The following NEBL variants were observed in gnomAD, a reference collection of about 807,000 sequenced individuals.
NEBL encodes the protein nebulette, also known as LIM and SH3 protein 2.
Under a neutral mutation model 140.2 loss-of-function variants are expected in NEBL, and 122 were observed. That is an observed-to-expected ratio of 0.87 (90% confidence interval 0.75 to 1.01). The LOEUF is 1.01. Ranked by LOEUF, NEBL falls within the 50% of genes least tolerant of loss-of-function variation. The pLI, the probability that NEBL is intolerant of heterozygous loss-of-function variation, is 0.00. For missense variants in NEBL, 1,365 were observed against 1,231.3 expected (o/e 1.11, Z -1.62); for synonymous variants, 436 against 398.9 (o/e 1.09, Z -1.11).
At chr10:21,003,916 C>T (rs1838010080) in intron 3 of NEBL, among the ~76,000 whole-genome samples, 1 of 152,140 alleles carries the variant, frequency 6.6e-6, no homozygotes, top group Non-Finnish European at 1.5e-5. Flanking sequence ...CAGTTCTTGT[C>T]TCTATTATGG....
At chr10:21,244,676 A>C (rs540989661) in intron 3 of NEBL, among the ~76,000 whole-genome samples, 1 of 151,662 alleles carries the variant, frequency 6.6e-6, no homozygotes, top group Non-Finnish European at 1.5e-5. Context: ...TAAACTAAAA[A>C]TTTTTTTAAA....
chr10:21,132,652 T>C (rs1180019343), intron 2 of NEBL, among the ~76,000 whole-genome samples: 1 of 152,232 alleles, frequency 6.6e-6, no homozygotes, highest in African/African-American at 2.4e-5. Flanking sequence ...ACATTTGTTA[T>C]TGTCCACCTT....
At chr10:21,098,111 T>C (rs1157730224) in intron 2 of NEBL, among the ~76,000 whole-genome samples, 2 of 152,162 alleles carry the variant, frequency 1.3e-5, no homozygotes, top group South Asian at 2.1e-4. Flanking sequence ...GGCAAAAATG[T>C]GAGTGGATAT....
At chr10:21,073,322 C>CAA (rs371901801) in intron 2 of NEBL, among the ~76,000 whole-genome samples, 23 of 134,562 alleles carry the variant, frequency 1.7e-4, no homozygotes, top group African/African-American at 4.3e-4. Context: ...GACCCTGTCT[C>CAA]AAAAAAAAAA....
upstream of NEBL, chr10:20,897,453 T>A: frequency 8.3e-7 from 1 of 1,206,152 alleles, no homozygotes; most frequent in South Asian, 3.1e-5. Flanking sequence ...AAAATTTGAT[T>A]TTATGAACTT....
chr10:20,946,244 T>G (rs1835153255), intron 4 of NEBL, among the ~76,000 whole-genome samples: 1 of 152,220 alleles, frequency 6.6e-6, no homozygotes, highest in Non-Finnish European at 1.5e-5. Flanking sequence ...ATGTTGTTTC[T>G]GCACATGGAA....
chr10:21,261,881 A>G (rs1842743162), intron 1 of NEBL, among the ~76,000 whole-genome samples: 1 of 151,752 alleles, frequency 6.6e-6, no homozygotes, highest in South Asian at 2.1e-4. Context: ...AGACGTGCAC[A>G]CTCCCAGCTG....
intron 2 of NEBL, among the ~76,000 whole-genome samples, chr10:21,160,858 CA>C (rs1564531626): frequency 9.3e-6 from 1 of 107,896 alleles, no homozygotes; most frequent in African/African-American, 6.6e-5. Context: ...AACTTATTTC[CA>C]GGGGGAAAAA....
chr10:21,270,047 G>T (rs539052360), intron 1 of NEBL, among the ~76,000 whole-genome samples: 1 of 152,132 alleles, frequency 6.6e-6, no homozygotes, highest in Admixed American at 6.6e-5. Context: ...TCTGAAACAG[G>T]TTAAAATATC....
At chr10:20,923,637 C>A (rs1365795402) in intron 4 of NEBL, among the ~76,000 whole-genome samples, 1 of 121,776 alleles carries the variant, frequency 8.2e-6, no homozygotes, top group African/African-American at 3.3e-5. Context: ...CGAAATCATA[C>A]CACTGCACTC....
intron 2 of NEBL, among the ~76,000 whole-genome samples, chr10:21,094,575 C>T (rs1011422887): frequency 2.0e-5 from 3 of 148,680 alleles, no homozygotes; most frequent in Non-Finnish European, 4.4e-5. Flanking sequence ...CCCAGCTACT[C>T]GGAGGCTGAA....
At chr10:21,246,840 G>A (rs1188713007) in intron 3 of NEBL, among the ~76,000 whole-genome samples, 1 of 151,502 alleles carries the variant, frequency 6.6e-6, no homozygotes. Flanking sequence ...TCTCAAAGAA[G>A]AAAAAAAATA....
At position 20,873,608 on chromosome 10, in the gene NEBL, T is replaced by C. The variant is rs181477063; in HGVS notation, c.481-3767A>G. Among the ~76,000 whole-genome samples the C allele has an allele frequency of 2.0e-5, 3 of 152,218 alleles. No homozygotes were observed. The East Asian group carries it at 5.8e-4, about 29-fold the overall frequency. Reference sequence around the variant, plus strand: ...AATTTTAGACTATTATGTACCATATTAAGGACTTAACATTCACTCCCTCAC... The same window carrying C: ...AATTTTAGACTATTATGTACCATATCAAGGACTTAACATTCACTCCCTCAC... On this transcript the variant is annotated intron_variant, in intron 5 of 27. Transcript: ENST00000377122.
At chr10:21,262,145 C>A (rs984414439) in intron 1 of NEBL, among the ~76,000 whole-genome samples, 1 of 152,122 alleles carries the variant, frequency 6.6e-6, no homozygotes, top group Non-Finnish European at 1.5e-5. Context: ...TGGCAAATTG[C>A]GAGGGCCTCG....
chr10:21,292,403 C>G (rs1843157386), intron 1 of NEBL, among the ~76,000 whole-genome samples: 1 of 152,166 alleles, frequency 6.6e-6, no homozygotes, highest in Non-Finnish European at 1.5e-5. Flanking sequence ...TCTTATTAGT[C>G]TCTCACACTA....
At chr10:21,163,036 TAG>T (rs1589299662) in intron 2 of NEBL, among the ~76,000 whole-genome samples, 1 of 152,340 alleles carries the variant, frequency 6.6e-6, no homozygotes, top group East Asian at 1.9e-4. Context: ...TCCTAAGAGA[TAG>T]AGTCTATTAT....
rs564005538 is a variant in NEBL at position 20,952,643 on chromosome 10, G to A, written c.357+9029C>T. On this transcript the variant is annotated intron_variant, in intron 4 of 6. Transcript: ENST00000417816. Reference sequence around the variant, plus strand: ...CATCTGTCAGGGTACAGTGGCTCACGCCTGTAATCCCAACACTTTGGGAAG... The same window carrying A: ...CATCTGTCAGGGTACAGTGGCTCACACCTGTAATCCCAACACTTTGGGAAG... 2.0e-5 allele frequency among the ~76,000 whole-genome samples: 3 copies of A among 151,970 alleles called. No individual in the cohort carries two copies. The South Asian group carries it at 6.2e-4, about 32-fold the overall frequency.
At chr10:21,188,160 C>T (rs545701533) in intron 3 of NEBL, among the ~76,000 whole-genome samples, 5 of 152,108 alleles carry the variant, frequency 3.3e-5, no homozygotes, top group Non-Finnish European at 5.9e-5. Context: ...CAGTGGTTTG[C>T]CCTGTGCCCT....
chr10:21,119,895 C>G (rs1438135681), intron 2 of NEBL, among the ~76,000 whole-genome samples: 1 of 152,006 alleles, frequency 6.6e-6, no homozygotes, highest in Non-Finnish European at 1.5e-5. Flanking sequence ...AGCTCCCCAG[C>G]CTTTCTGGTC....
Sources: allele counts gnomAD v4.1 joint callset (sites outside exome capture counted in the v4.1 genomes callset), GRCh38; gene constraint gnomAD v4.1.1; transcripts MANE v1.5; gene names NCBI Gene and HGNC (gene_info 2026-07-23, HGNC 2026-07-21).